The following MGAT4C variants were observed in gnomAD, a reference collection of about 807,000 sequenced individuals.
The protein encoded by MGAT4C is alpha-1,3-mannosyl-glycoprotein 4-beta-N-acetylglucosaminyltransferase C.
A neutral mutation model predicts 40.1 loss-of-function variants in MGAT4C; 19 were observed. The observed-to-expected ratio is 0.47, with a 90% CI of 0.33 to 0.70. MGAT4C has a LOEUF of 0.70. Ranked by LOEUF, MGAT4C falls within the 30% of genes least tolerant of loss-of-function variation. MGAT4C has a pLI of 0.02. For synonymous variants in MGAT4C, 181 were observed against 187.1 expected (o/e 0.97, Z 0.27); for missense variants, 491 against 563.2 (o/e 0.87, Z 1.30).
intron 4 of MGAT4C, among the ~76,000 whole-genome samples, chr12:85,983,245 G>A (rs895334558): frequency 2.0e-5 from 3 of 152,152 alleles, no homozygotes; most frequent in African/African-American, 7.2e-5. Flanking sequence ...AAATTTTAAA[G>A]TAAATTGATT....
intron 2 of MGAT4C, among the ~76,000 whole-genome samples, chr12:86,634,808 A>G (rs531663394): frequency 6.6e-6 from 1 of 152,114 alleles, no homozygotes; most frequent in Non-Finnish European, 1.5e-5. Flanking sequence ...TAAAATAGTC[A>G]CGACAGTGAT....
intron 1 of MGAT4C, among the ~76,000 whole-genome samples, chr12:86,052,177 T>C (rs1892960272): frequency 6.6e-6 from 1 of 151,710 alleles, no homozygotes; most frequent in Non-Finnish European, 1.5e-5. Flanking sequence ...AAACTTTGTT[T>C]CTGTGTAAAA....
intron 1 of MGAT4C, among the ~76,000 whole-genome samples, chr12:86,079,690 T>C (rs906516901): frequency 2.6e-5 from 4 of 152,126 alleles, no homozygotes; most frequent in African/African-American, 9.6e-5. Flanking sequence ...ATATTAATGA[T>C]TTATGTATAT....
chr12:86,486,730 A>G (rs1958026745), intron 2 of MGAT4C, among the ~76,000 whole-genome samples: 1 of 152,206 alleles, frequency 6.6e-6, no homozygotes, highest in South Asian at 2.1e-4. Flanking sequence ...AAGTGGACCT[A>G]ACAGACATCT....
At chr12:86,701,547 C>T (rs979151317) in intron 2 of MGAT4C, among the ~76,000 whole-genome samples, 1 of 152,130 alleles carries the variant, frequency 6.6e-6, no homozygotes, top group African/African-American at 2.4e-5. Context: ...GTTTCCCAAT[C>T]TCTCTTTCTC....
At chr12:85,982,547 C>T (rs7132237) in intron 4 of MGAT4C, among the ~76,000 whole-genome samples, 38,916 of 152,070 alleles carry the variant, frequency 0.26, 5,667 homozygotes, top group Non-Finnish European at 0.33. Flanking sequence ...CTAAAATCAA[C>T]AGCGTTATAA....
At chr12:86,482,067 T>TACACACAC (rs10526768) in intron 2 of MGAT4C, among the ~76,000 whole-genome samples, 40,788 of 142,828 alleles carry the variant, frequency 0.29, 6,347 homozygotes, top group South Asian at 0.41. Context: ...AACATGTCAC[T>TACACACAC]ACACACACAC....
At chr12:86,813,430 T>C (rs901001806) in intron 1 of MGAT4C, among the ~76,000 whole-genome samples, 5 of 143,534 alleles carry the variant, frequency 3.5e-5, no homozygotes, top group African/African-American at 1.3e-4. Flanking sequence ...TAATCTAATT[T>C]TGAAATTTTC....
At chr12:86,525,635 C>G (rs1313217947) in intron 2 of MGAT4C, among the ~76,000 whole-genome samples, 2 of 152,016 alleles carry the variant, frequency 1.3e-5, no homozygotes, top group African/African-American at 4.8e-5. Context: ...TCGTATTTGA[C>G]AACATTAAGG....
chr12:86,077,755 G>A (rs778867317), intron 1 of MGAT4C, among the ~76,000 whole-genome samples: 1 of 152,078 alleles, frequency 6.6e-6, no homozygotes, highest in Non-Finnish European at 1.5e-5. Context: ...TAATCACAGG[G>A]CACGGTAATA....
At chr12:86,240,947 C>T (rs903627496) in intron 1 of MGAT4C, among the ~76,000 whole-genome samples, 1 of 152,006 alleles carries the variant, frequency 6.6e-6, no homozygotes, top group Non-Finnish European at 1.5e-5. Flanking sequence ...TATATCAGAG[C>T]CTTTCTTTGT....
In MGAT4C at chr12:86,540,528, G is replaced by T. The variant is rs1008492073; in HGVS notation, c.-228-105263C>A. ...CGAGACATGCAGATCACGAGGTCAG[G>T]AGTTTGAGACCAGCCTGGCCAATAT... On this transcript the variant is annotated intron_variant, in intron 2 of 7. Coordinates refer to the MGAT4C transcript ENST00000548651. Among the ~76,000 whole-genome samples, 7 of 152,164 alleles carry T rather than the reference G, an allele frequency of 4.6e-5. No homozygotes were observed. The South Asian group carries it at 1.2e-3, about 27-fold the overall frequency.
intron 4 of MGAT4C, among the ~76,000 whole-genome samples, chr12:86,273,465 C>T (rs1183540056): frequency 2.0e-5 from 3 of 152,036 alleles, no homozygotes; most frequent in Non-Finnish European, 2.9e-5. Flanking sequence ...TTGAATGTTA[C>T]TATTTATTAT....
chr12:86,652,135 A>G (rs1056963064), intron 2 of MGAT4C, among the ~76,000 whole-genome samples: 4 of 151,880 alleles, frequency 2.6e-5, no homozygotes, highest in Admixed American at 2.6e-4. Context: ...CCTCCTCCAG[A>G]ACATTATCTT....
At chr12:86,168,036 C>A (rs943374705) in intron 1 of MGAT4C, among the ~76,000 whole-genome samples, 2 of 152,110 alleles carry the variant, frequency 1.3e-5, no homozygotes. Context: ...CCAACTAATG[C>A]CTTTTAATGG....
At chr12:86,250,475 C>T (rs367675975) in intron 1 of MGAT4C, among the ~76,000 whole-genome samples, 16 of 151,728 alleles carry the variant, frequency 1.1e-4, no homozygotes, top group South Asian at 2.1e-4. Flanking sequence ...TCTATCACCA[C>T]TTCATCACCA....
intron 1 of MGAT4C, among the ~76,000 whole-genome samples, chr12:86,091,791 A>G (rs1872933581): frequency 6.6e-6 from 1 of 152,086 alleles, no homozygotes; most frequent in East Asian, 1.9e-4. Context: ...GTATATCATA[A>G]CATCTCTGTA....
chr12:86,249,952 G>A (rs182169237), intron 1 of MGAT4C, among the ~76,000 whole-genome samples: 4 of 152,190 alleles, frequency 2.6e-5, no homozygotes, highest in African/African-American at 9.6e-5. Flanking sequence ...ACAATGGATT[G>A]TAATTATTTA....
At chr12:86,392,585 T>C (rs1424651385) in intron 3 of MGAT4C, among the ~76,000 whole-genome samples, 3 of 152,158 alleles carry the variant, frequency 2.0e-5, no homozygotes, top group Admixed American at 6.6e-5. Context: ...AAAAGAAGGA[T>C]ATTTAATCAA....
Sources: gnomAD v4.1 joint callset for allele counts (sites outside exome capture counted in the v4.1 genomes callset) on GRCh38, gnomAD v4.1.1 for gene constraint, MANE v1.5 for transcripts, NCBI Gene and HGNC (gene_info 2026-07-23, HGNC 2026-07-21) for gene names.